WWTR1: variants seen among roughly 807,000 people sequenced by gnomAD.
WWTR1 encodes the protein WW domain containing transcription regulator 1.
Under a neutral mutation model 40.1 loss-of-function variants are expected in WWTR1, and 13 were observed. The observed-to-expected ratio is 0.32, with a 90% CI of 0.21 to 0.52. The LOEUF (loss-of-function observed/expected upper bound fraction) is 0.52. WWTR1 is among the 20% of genes least tolerant of loss of function. The pLI is 0.97. For missense variants in WWTR1, 436 were observed against 523.1 expected (o/e 0.83, Z 1.63); for synonymous variants, 230 against 210.1 (o/e 1.09, Z -0.82).
At chr3:149,710,945 C>T (rs958202817) in intron 5 of WWTR1, among the ~76,000 whole-genome samples, 5 of 152,006 alleles carry the variant, frequency 3.3e-5, no homozygotes, top group Non-Finnish European at 5.9e-5. Flanking sequence ...TCCAAGTTCA[C>T]ATATGTAGTA....
intron 3 of WWTR1, among the ~76,000 whole-genome samples, chr3:149,571,041 A>G (rs1737597318): frequency 6.6e-6 from 1 of 152,132 alleles, no homozygotes; most frequent in African/African-American, 2.4e-5. Flanking sequence ...CTCTATATGT[A>G]TGGACAGGCA....
chr3:149,684,176 A>C (rs1251494327), intron 1 of WWTR1, among the ~76,000 whole-genome samples: 3 of 151,578 alleles, frequency 2.0e-5, no homozygotes, highest in Non-Finnish European at 4.4e-5. Context: ...TTTTATTTAG[A>C]AAATATATAT....
At chr3:149,569,728 AAAG>A (rs1737529997) in intron 3 of WWTR1, among the ~76,000 whole-genome samples, 1 of 152,258 alleles carries the variant, frequency 6.6e-6, no homozygotes, top group African/African-American at 2.4e-5. Flanking sequence ...GCCTTGCATT[AAAG>A]AAGACCTATC....
At chr3:149,573,608 G>A (rs573514550) in intron 2 of WWTR1, among the ~76,000 whole-genome samples, 5 of 152,300 alleles carry the variant, frequency 3.3e-5, no homozygotes, top group African/African-American at 1.2e-4. Flanking sequence ...TAGGGTAGCT[G>A]GAAGGCAGAG....
intron 1 of WWTR1, among the ~76,000 whole-genome samples, chr3:149,671,733 GCTC>G (rs1450066963): frequency 6.6e-6 from 1 of 151,698 alleles, no homozygotes; most frequent in East Asian, 1.9e-4. Context: ...TTTTCCCTAA[GCTC>G]CTATTTTTAT....
Position 149,526,108 on chromosome 3 carries a change from C to T in WWTR1, c.923G>A (p.Arg308Lys). ...PFLNGGPYHS[R>K]EQSTDSGLGL... Reference sequence around the variant, plus strand: ...CAGGCCACTGTCAGTGCTCTGCTCCCTCGAATGATATGGCCCTCTGCAAAG... The same window carrying T: ...CAGGCCACTGTCAGTGCTCTGCTCCTTCGAATGATATGGCCCTCTGCAAAG... Residue 308 changes from arginine to lysine, a missense_variant, in exon 6 of 7, where the codon AGG becomes AAG. By Grantham distance (26) the Arg-to-Lys change is conservative (BLOSUM62 2). Transcript: ENST00000360632. 1 of 1,607,418 alleles carries T rather than the reference C, an allele frequency of 6.2e-7. No homozygotes were observed. Among genetic ancestry groups the T allele is most frequent in the Admixed American group, 1.7e-5 (1 of 58,858 alleles).
At chr3:149,562,500 T>C (rs2107977387) in intron 3 of WWTR1, among the ~76,000 whole-genome samples, 1 of 152,106 alleles carries the variant, frequency 6.6e-6, no homozygotes, top group Admixed American at 6.5e-5. Flanking sequence ...TTTTCTACAG[T>C]GACCAAATAG....
intron 2 of WWTR1, among the ~76,000 whole-genome samples, chr3:149,582,058 G>A (rs1319632630): frequency 1.3e-5 from 2 of 152,168 alleles, no homozygotes; most frequent in African/African-American, 4.8e-5. Context: ...CCACTTCCCA[G>A]AGAAAACCAC....
chr3:149,662,540 C>T (rs2108176138), upstream of WWTR1, among the ~76,000 whole-genome samples: 1 of 152,288 alleles, frequency 6.6e-6, no homozygotes, highest in East Asian at 1.9e-4. Context: ...TTGATTCTTT[C>T]TTCTAGTGTC....
chr3:149,622,974 C>T (rs1740383617), intron 2 of WWTR1, among the ~76,000 whole-genome samples: 3 of 152,266 alleles, frequency 2.0e-5, no homozygotes, highest in Middle Eastern at 3.4e-3. Flanking sequence ...CTATCCCCAT[C>T]GAAATTTATG....
chr3:149,602,435 C>T (rs530242057), intron 2 of WWTR1, among the ~76,000 whole-genome samples: 2 of 152,254 alleles, frequency 1.3e-5, no homozygotes, highest in Admixed American at 1.3e-4. Context: ...CACTCTGGAC[C>T]CTGAGCAACC....
intron 2 of WWTR1, among the ~76,000 whole-genome samples, chr3:149,663,109 T>A (rs888872468): frequency 2.0e-5 from 3 of 152,102 alleles, no homozygotes; most frequent in Admixed American, 1.3e-4. Context: ...CTCAGCTCAC[T>A]GCAACATCCG....
rs1328829500 is a variant in WWTR1 at position 149,519,943 on chromosome 3, C to CA, written c.*861dup. 1 of 143,586 alleles carries CA rather than the reference C, an allele frequency of 7.0e-6. No homozygotes were observed. The highest frequency in any genetic ancestry group is 7.2e-5 in the Admixed American group (1 of 13,832). 8.9% of individuals were successfully genotyped at this position (143,586 alleles called of 1,614,324 possible). On this transcript the variant is annotated 3_prime_UTR_variant, in exon 7 of 7. Transcript: ENST00000360632. ...GGACAACAAGAGCAAAACTCGATCT[C>CA]AAAAACAAACAAACAACATCAAGAA... is the stretch of plus-strand genomic sequence containing the variant.
chr3:149,556,463 C>CA (rs1736830270), intron 3 of WWTR1, among the ~76,000 whole-genome samples: 1 of 152,168 alleles, frequency 6.6e-6, no homozygotes, highest in African/African-American at 2.4e-5. Context: ...CCTGTAGTCC[C>CA]AGCTACTTGG....
chr3:149,548,291 G>C (rs2107949625), intron 3 of WWTR1, among the ~76,000 whole-genome samples: 1 of 152,330 alleles, frequency 6.6e-6, no homozygotes, highest in African/African-American at 2.4e-5. Context: ...GAGAGCCACA[G>C]CTCGTAGAGA....
At chr3:149,585,707 A>T (rs887381375) in intron 2 of WWTR1, among the ~76,000 whole-genome samples, 1 of 152,222 alleles carries the variant, frequency 6.6e-6, no homozygotes, top group Non-Finnish European at 1.5e-5. Flanking sequence ...TCTCCCATTT[A>T]AAGTAGAAAG....
At chr3:149,668,613 A>AAAAAAAAAC (rs548038608) in intron 2 of WWTR1, among the ~76,000 whole-genome samples, 4 of 147,518 alleles carry the variant, frequency 2.7e-5, no homozygotes, top group Admixed American at 1.4e-4. Context: ...GTCTCAAAAA[A>AAAAAAAAAC]AACAACAAAA....
intron 2 of WWTR1, among the ~76,000 whole-genome samples, chr3:149,585,426 C>A (rs980431539): frequency 6.6e-6 from 1 of 152,192 alleles, no homozygotes; most frequent in African/African-American, 2.4e-5. Context: ...TGAGCCACTG[C>A]ACCTGGCTGA....
At chr3:149,720,732 A>C (rs987508696) in intron 4 of WWTR1, among the ~76,000 whole-genome samples, 1 of 152,104 alleles carries the variant, frequency 6.6e-6, no homozygotes, top group African/African-American at 2.4e-5. Context: ...TAACAATATT[A>C]AGTCTTCCAA....
Sources: allele counts gnomAD v4.1 joint callset (sites outside exome capture counted in the v4.1 genomes callset), GRCh38; gene constraint gnomAD v4.1.1; transcripts MANE v1.5; gene names NCBI Gene and HGNC (gene_info 2026-07-23, HGNC 2026-07-21).